Variants in ARPP19 observed in about 807,000 individuals in gnomAD.
ARPP19 encodes the protein cAMP regulated phosphoprotein 19.
In ARPP19, 8 loss-of-function variants were observed where a neutral mutation model predicts 12.0. The ratio of observed to expected loss-of-function variants is 0.67; its 90% CI spans 0.39 to 1.21. The LOEUF (loss-of-function observed/expected upper bound fraction) is 1.21, where lower values mean the gene tolerates loss of function less well. ARPP19 is among the 50% of genes most tolerant of loss of function. The pLI is 0.01. For missense variants in ARPP19, 102 were observed against 136.3 expected (o/e 0.75, Z 1.25); for synonymous variants, 47 against 50.4 (o/e 0.93, Z 0.29).
At chr15:52,567,301 T>C (rs2078092324) in intron 1 of ARPP19, among the ~76,000 whole-genome samples, 1 of 152,234 alleles carries the variant, frequency 6.6e-6, no homozygotes. Context: ...AAGCTATCCT[T>C]AATATTGTTA....
At chr15:52,552,168 G>A (rs776897303) in intron 2 of ARPP19, 64 bp from the exon 3 acceptor site, 10 of 910,080 alleles carry the variant, frequency 1.1e-5, no homozygotes, top group African/African-American at 1.6e-5. Context: ...AGATGTCGAT[G>A]CAACCCCATA....
intron 2 of ARPP19, 143 bp downstream of exon 2, chr15:52,556,957 G>A (rs1392802307): frequency 1.2e-6 from 1 of 810,178 alleles, no homozygotes; most frequent in Non-Finnish European, 1.9e-6. Flanking sequence ...CAAAATATTG[G>A]AAAAACCCAT....
chr15:52,557,360 A>G (rs1443813896), intron 1 of ARPP19, 138 bp from the exon 2 acceptor site: 3 of 683,020 alleles, frequency 4.4e-6, no homozygotes, highest in Non-Finnish European at 7.2e-6. Flanking sequence ...CAAACCCAGA[A>G]GCCTTTAAAA....
At chr15:52,565,323 C>G (rs79168142) in intron 1 of ARPP19, among the ~76,000 whole-genome samples, 162 of 152,260 alleles carry the variant, frequency 1.1e-3, no homozygotes, top group African/African-American at 3.7e-3. Context: ...CCCTGTAGGG[C>G]CAGAATTATC....
intron 2 of ARPP19, among the ~76,000 whole-genome samples, chr15:52,555,097 T>TTC (rs1254694189): frequency 6.6e-6 from 1 of 152,096 alleles, no homozygotes. Flanking sequence ...TTCACTGACA[T>TTC]TCTGTTATAA....
intron 1 of ARPP19, 48 bp downstream of exon 1, chr15:52,568,800 C>A (rs1390156113): frequency 2.7e-6 from 4 of 1,457,176 alleles, no homozygotes; most frequent in Admixed American, 5.3e-5. Context: ...GGCCGCCCGC[C>A]AGACCCGGCC....
intron 2 of ARPP19, among the ~76,000 whole-genome samples, chr15:52,555,214 G>C (rs2077970576): frequency 6.6e-6 from 1 of 151,914 alleles, no homozygotes; most frequent in Non-Finnish European, 1.5e-5. Flanking sequence ...CCAACTCCAA[G>C]ATACAATGTA....
At chr15:52,552,749 C>CA (rs1307866489) in intron 2 of ARPP19, among the ~76,000 whole-genome samples, 1 of 152,022 alleles carries the variant, frequency 6.6e-6, no homozygotes, top group Non-Finnish European at 1.5e-5. Context: ...CCAGGTGAAA[C>CA]ACTTGCTTAA....
intron 2 of ARPP19, among the ~76,000 whole-genome samples, chr15:52,556,015 T>C (rs1023214470): frequency 2.0e-5 from 3 of 152,058 alleles, no homozygotes; most frequent in Non-Finnish European, 4.4e-5. Flanking sequence ...CTTCCCTACT[T>C]GATTATATAT....
At chr15:52,557,341 C>G in intron 1 of ARPP19, 119 bp from the exon 2 acceptor site, 1 of 787,464 alleles carries the variant, frequency 1.3e-6, no homozygotes, top group East Asian at 2.7e-5. Context: ...CAGCATCTGA[C>G]TAAGAAATCA....
At chr15:52,563,513 T>C (rs903621135) in intron 1 of ARPP19, among the ~76,000 whole-genome samples, 2 of 152,336 alleles carry the variant, frequency 1.3e-5, no homozygotes, top group African/African-American at 2.4e-5. Flanking sequence ...TTTTTGTGAA[T>C]TGTACCACTG....
At position 52,549,033 on chromosome 15, in the gene ARPP19, T is replaced by C. The variant is rs1280004897; in HGVS notation, c.*2901A>G. ...CTCATCGAAACAAGCCAATAATCCT[T>C]ACTATTCCAACTTGCTGAGAACCAT... On this transcript the variant is annotated 3_prime_UTR_variant, in exon 3 of 3. Transcript: ENST00000249822. The C allele has an allele frequency of 6.6e-6, 1 of 152,438 alleles. No homozygotes were observed. Among genetic ancestry groups the C allele is most frequent in the African/African-American group, 2.4e-5 (1 of 41,440 alleles). The allele number at this position is 152,438 out of a possible 1,614,324, so 9.4% of individuals were successfully genotyped here.
intron 2 of ARPP19, among the ~76,000 whole-genome samples, chr15:52,553,230 TA>T (rs2141722344): frequency 6.6e-6 from 1 of 152,292 alleles, no homozygotes; most frequent in Admixed American, 6.5e-5. Context: ...GGTAAAAATA[TA>T]AATATTAGAG....
chr15:52,561,579 T>A (rs1347609654), intron 1 of ARPP19, among the ~76,000 whole-genome samples: 1 of 152,002 alleles, frequency 6.6e-6, no homozygotes, highest in Non-Finnish European at 1.5e-5. Flanking sequence ...TAAGAATGCA[T>A]GAAAAATTTC....
chr15:52,554,232 T>G (rs1243645097), intron 2 of ARPP19, among the ~76,000 whole-genome samples: 1 of 152,152 alleles, frequency 6.6e-6, no homozygotes, highest in East Asian at 1.9e-4. Context: ...AAGCAAAAGT[T>G]CATCACAAGG....
intron 1 of ARPP19, among the ~76,000 whole-genome samples, chr15:52,560,145 C>A (rs796524087): frequency 1.3e-5 from 2 of 152,104 alleles, no homozygotes; most frequent in Admixed American, 1.3e-4. Flanking sequence ...AAGGAAAATA[C>A]CTTGTACACA....
intron 1 of ARPP19, 189 bp downstream of exon 1, chr15:52,568,659 G>A (rs1420745059): frequency 1.7e-5 from 8 of 484,320 alleles, no homozygotes; most frequent in East Asian, 3.7e-5. Context: ...TAAACGCGGG[G>A]CACGTTGGAA....
At chr15:52,564,437 CT>C (rs1009697344) in intron 1 of ARPP19, among the ~76,000 whole-genome samples, 1 of 152,306 alleles carries the variant, frequency 6.6e-6, no homozygotes, top group Admixed American at 6.5e-5. Context: ...ATTCTTCAGC[CT>C]TTAGGTAACC....
intron 2 of ARPP19, among the ~76,000 whole-genome samples, chr15:52,556,233 T>C (rs1308012523): frequency 1.3e-5 from 2 of 152,118 alleles, no homozygotes; most frequent in Non-Finnish European, 2.9e-5. Context: ...TATGAATGTA[T>C]TTAAGGAGAA....
Sources: allele counts gnomAD v4.1 joint callset (sites outside exome capture counted in the v4.1 genomes callset), GRCh38; gene constraint gnomAD v4.1.1; transcripts MANE v1.5; gene names NCBI Gene and HGNC (gene_info 2026-07-23, HGNC 2026-07-21).